BMPR1B: variants seen among roughly 807,000 people sequenced by gnomAD.
BMPR1B encodes the protein bone morphogenetic protein receptor type-1B.
Under a neutral mutation model 59.1 loss-of-function variants are expected in BMPR1B, and 12 were observed. That is an observed-to-expected ratio of 0.20 (90% CI 0.13 to 0.33). The LOEUF (loss-of-function observed/expected upper bound fraction) is 0.33, where lower values mean the gene tolerates loss of function less well. BMPR1B is among the 10% of genes least tolerant of loss of function. The pLI, the probability that BMPR1B is intolerant of heterozygous loss-of-function variation, is 1.00. For missense variants in BMPR1B, 550 were observed against 610.9 expected (o/e 0.90, Z 1.05); for synonymous variants, 237 against 207.3 (o/e 1.14, Z -1.23).
chr4:94,879,137 A>G (rs1726860043), intron 2 of BMPR1B, among the ~76,000 whole-genome samples: 1 of 152,150 alleles, frequency 6.6e-6, no homozygotes. Flanking sequence ...ATCTCCTATT[A>G]TAATTTCTTC....
chr4:95,009,163 C>A (rs12512478), intron 3 of BMPR1B, among the ~76,000 whole-genome samples: 33 of 151,990 alleles, frequency 2.2e-4, no homozygotes, highest in Admixed American at 2.2e-3. Flanking sequence ...TGAAGCAACA[C>A]GAACTCTCAT....
At chr4:94,857,257 G>T (rs550041663) in intron 1 of BMPR1B, among the ~76,000 whole-genome samples, 2 of 152,170 alleles carry the variant, frequency 1.3e-5, no homozygotes, top group Non-Finnish European at 1.5e-5. Flanking sequence ...TTAAGAAAAT[G>T]TGCCAAATTA....
chr4:95,138,200 AAC>A (rs60130768), intron 10 of BMPR1B, among the ~76,000 whole-genome samples: 15,716 of 152,084 alleles, frequency 0.1, 1,978 homozygotes, highest in African/African-American at 0.3. Flanking sequence ...TTCTGGGCTG[AAC>A]ATTCTTTTCT....
intron 6 of BMPR1B, among the ~76,000 whole-genome samples, chr4:95,120,533 T>A (rs1732397692): frequency 6.6e-6 from 1 of 152,088 alleles, no homozygotes; most frequent in Non-Finnish European, 1.5e-5. Context: ...ATCAAAAGAC[T>A]ACTAGAACTG....
Position 95,125,115 on chromosome 4 carries a change from T to C in BMPR1B, c.579T>C (p.Pro193=). The C allele has an allele frequency of 6.2e-7, 1 of 1,613,736 alleles. No homozygotes were observed. Among genetic ancestry groups the C allele is most frequent in the Non-Finnish European group, 8.5e-7 (1 of 1,179,756 alleles). Residue 193 remains proline, a synonymous_variant, in exon 8 of 13, where the codon CCT becomes CCC. Transcript: ENST00000515059. ...SQSSGSGSGL[P]LLVQRTIAKQ... is the part of the protein sequence containing the mutation. Reference sequence around the variant, plus strand: ...GCTCAGGAAGTGGATCAGGCCTCCCTCTGCTGGTATGAGAAGAACACATCT... The same window carrying C: ...GCTCAGGAAGTGGATCAGGCCTCCCCCTGCTGGTATGAGAAGAACACATCT...
chr4:94,907,679 T>A (rs570581172), intron 2 of BMPR1B, among the ~76,000 whole-genome samples: 1 of 151,950 alleles, frequency 6.6e-6, no homozygotes, highest in Non-Finnish European at 1.5e-5. Flanking sequence ...TTATCATGTG[T>A]GTATCGTTGC....
intron 3 of BMPR1B, among the ~76,000 whole-genome samples, chr4:95,089,275 A>G (rs1334280759): frequency 6.6e-6 from 1 of 152,090 alleles, no homozygotes. Context: ...GTGAAGGGTA[A>G]TTATTTCTCA....
intron 1 of BMPR1B, among the ~76,000 whole-genome samples, chr4:94,767,663 G>C (rs1267445135): frequency 3.3e-5 from 5 of 152,066 alleles, no homozygotes; most frequent in Non-Finnish European, 7.4e-5. Flanking sequence ...AGCTTTTCAT[G>C]GTAACCTAGG....
At chr4:94,969,145 C>G (rs567685249) in intron 2 of BMPR1B, among the ~76,000 whole-genome samples, 1 of 152,150 alleles carries the variant, frequency 6.6e-6, no homozygotes, top group South Asian at 2.1e-4. Context: ...AGCGATTCTT[C>G]TGCCTCAGCC....
Position 94,961,585 on chromosome 4 carries a change from T to C in BMPR1B, c.-112-34455T>C, listed in dbSNP as rs185104235. Among the ~76,000 whole-genome samples, 7 of 152,336 alleles carry C rather than the reference T, an allele frequency of 4.6e-5. No individual in the cohort carries two copies. The East Asian group carries it at 1.3e-3, about 29-fold the overall frequency. On this transcript the variant is annotated intron_variant, in intron 2 of 12. Coordinates refer to ENST00000515059, the MANE Select transcript of BMPR1B (RefSeq NM_001203.3). Reference sequence around the variant, plus strand: ...ATCATTTGAAATTCCATTATTTATCTATCAGTCATACTATAACATGGCAAG... The same window carrying C: ...ATCATTTGAAATTCCATTATTTATCCATCAGTCATACTATAACATGGCAAG...
At chr4:94,898,929 G>A (rs1727693357) in intron 2 of BMPR1B, among the ~76,000 whole-genome samples, 1 of 152,038 alleles carries the variant, frequency 6.6e-6, no homozygotes, top group East Asian at 1.9e-4. Flanking sequence ...CACAAATTTA[G>A]TGGATTTAAA....
intron 3 of BMPR1B, among the ~76,000 whole-genome samples, chr4:95,034,858 G>A (rs1160400807): frequency 6.6e-6 from 1 of 152,002 alleles, no homozygotes; most frequent in Non-Finnish European, 1.5e-5. Flanking sequence ...TTTCCATAGT[G>A]TCTTCTATAG....
chr4:94,991,966 G>T lies in BMPR1B; in HGVS notation c.-112-4074G>T, dbSNP rs530534990. ...GGATTCTAGACTAGTATATTTAAAC[G>T]CCCATTGAACATACTTCAGTACAAC... On this transcript the variant is annotated intron_variant, in intron 2 of 12. Transcript: ENST00000515059. Among the ~76,000 whole-genome samples, 2 of 152,024 alleles carry T rather than the reference G, an allele frequency of 1.3e-5. 1 individual carries two copies. Among genetic ancestry groups the T allele is most frequent in the South Asian group, 4.1e-4 (2 of 4,824 alleles).
At chr4:94,832,194 C>G (rs1724621897) in intron 1 of BMPR1B, among the ~76,000 whole-genome samples, 1 of 152,144 alleles carries the variant, frequency 6.6e-6, no homozygotes, top group South Asian at 2.1e-4. Flanking sequence ...AGGTTGAGAA[C>G]CGCTGGCCTA....
At chr4:94,892,519 A>G (rs1374201707) in intron 2 of BMPR1B, among the ~76,000 whole-genome samples, 8 of 152,058 alleles carry the variant, frequency 5.3e-5, no homozygotes, top group Admixed American at 5.3e-4. Flanking sequence ...AACAAGTATG[A>G]TGTACTGTAC....
chr4:95,125,559 G>A lies in BMPR1B; in HGVS notation c.585+438G>A, dbSNP rs552950140. ...GTAAAGTTCTGGCTTTTCCATTCAG[G>A]AGAAGCTTCATTTTCTGATGGTCAG... On this transcript the variant is annotated intron_variant, in intron 8 of 12. Transcript: ENST00000515059. Among the ~76,000 whole-genome samples the A allele has an allele frequency of 1.2e-4, 19 of 152,254 alleles. No homozygotes were observed. In the South Asian group the frequency reaches 3.7e-3, roughly 30 times the overall value.
intron 2 of BMPR1B, among the ~76,000 whole-genome samples, chr4:94,972,622 T>A (rs958916976): frequency 2.0e-5 from 3 of 148,632 alleles, no homozygotes. Flanking sequence ...CTTAGGTTTC[T>A]TCCATTTTTT....
Position 94,813,594 on chromosome 4 carries a change from T to A in BMPR1B, c.-183+55526T>A, listed in dbSNP as rs548305574. On this transcript the variant is annotated intron_variant, in intron 1 of 12. Coordinates refer to ENST00000515059, the MANE Select transcript of BMPR1B (RefSeq NM_001203.3). ...GTTGTCAGGCTCGATCTTGGCATTT[T>A]CTCTGAATTAAACAAGATGAAGAGT... 3.6e-4 allele frequency among the ~76,000 whole-genome samples: 55 copies of A among 152,318 alleles called. No homozygotes were observed. The South Asian group carries it at 7.5e-3, about 21-fold the overall frequency.
chr4:94,916,202 C>T (rs1560545592), intron 2 of BMPR1B, among the ~76,000 whole-genome samples: 9 of 152,066 alleles, frequency 5.9e-5, no homozygotes. Context: ...TTAGGCATTA[C>T]TAAAAGATAA....
Sources: gnomAD v4.1 joint callset for allele counts (sites outside exome capture counted in the v4.1 genomes callset) on GRCh38, gnomAD v4.1.1 for gene constraint, MANE v1.5 for transcripts, NCBI Gene and HGNC (gene_info 2026-07-23, HGNC 2026-07-21) for gene names.